The following MB21D2 variants were observed in gnomAD, a reference collection of about 807,000 sequenced individuals.
MB21D2 encodes the protein Mab-21 domain containing 2.
Under a neutral mutation model 33.3 loss-of-function variants are expected in MB21D2, and 9 were observed. The ratio of observed to expected loss-of-function variants is 0.27; its 90% CI spans 0.16 to 0.47. The LOEUF (loss-of-function observed/expected upper bound fraction) is 0.47. Among genes scored for constraint, MB21D2 ranks in the 20% least tolerant of loss-of-function variants. MB21D2 has a pLI of 0.99. For synonymous variants in MB21D2, 241 were observed against 236.3 expected (o/e 1.02, Z -0.18); for missense variants, 540 against 624.6 (o/e 0.86, Z 1.44).
chr3:192,816,077 C>T (rs1290534441), intron 1 of MB21D2, among the ~76,000 whole-genome samples: 1 of 152,116 alleles, frequency 6.6e-6, no homozygotes, highest in East Asian at 1.9e-4. Context: ...TGTACAATTT[C>T]CAAAGCTATC....
intron 1 of MB21D2, among the ~76,000 whole-genome samples, chr3:192,814,738 G>A (rs183968594): frequency 2.2e-3 from 335 of 152,108 alleles, no homozygotes; most frequent in Admixed American, 3.9e-3. Context: ...GGTGGTGGAC[G>A]CCTTTAGTCC....
In MB21D2 at chr3:192,814,689, T is replaced by C. The variant is rs376692362; in HGVS notation, c.212-15039A>G. Among the ~76,000 whole-genome samples the C allele has an allele frequency of 5.2e-3, 783 of 149,992 alleles. 5 individuals carry two copies. The highest frequency in any genetic ancestry group is 0.029 in the East Asian group (148 of 5,152). Reference sequence around the variant, plus strand: ...CATCCTGGCTAACACGGTGAAACCCTGTCTCTACTAAAAAAAATACAAAAA... The same window carrying C: ...CATCCTGGCTAACACGGTGAAACCCCGTCTCTACTAAAAAAAATACAAAAA... On this transcript the variant is annotated intron_variant, in intron 1 of 1. Transcript: ENST00000392452.
At chr3:192,807,229 T>C (rs1415924283) in intron 1 of MB21D2, among the ~76,000 whole-genome samples, 1 of 152,046 alleles carries the variant, frequency 6.6e-6, no homozygotes, top group Non-Finnish European at 1.5e-5. Context: ...GAGAGTCTTA[T>C]TAGCCCTACC....
intron 1 of MB21D2, 31 bp downstream of exon 1, chr3:192,917,597 ACG>A (rs1560261358): frequency 6.2e-7 from 1 of 1,603,834 alleles, no homozygotes; most frequent in African/African-American, 1.4e-5. Flanking sequence ...ACACACACAC[ACG>A]CACACACACC....
At position 192,916,098 on chromosome 3, in the gene MB21D2, TTA is replaced by T. The variant is rs55749042; in HGVS notation, c.211+1530_211+1531del. Among the ~76,000 whole-genome samples, 204 of 139,132 alleles carry T rather than the reference TTA, an allele frequency of 1.5e-3. 1 individual carries two copies. The highest frequency in any genetic ancestry group is 3.5e-3 in the African/African-American group (125 of 35,314). The allele number at this position is 139,132 out of a possible 152,430, so 91.3% of individuals were successfully genotyped here. ...TGTGGAAGCTCACTCCTACCAGGTTTTATATATATATATATATATATATTTAA... is the reference window on the plus strand; with the variant it reads ...TGTGGAAGCTCACTCCTACCAGGTTTTATATATATATATATATATATTTAA... On this transcript the variant is annotated intron_variant, in intron 1 of 1. Coordinates refer to ENST00000392452, the MANE Select transcript of MB21D2 (RefSeq NM_178496.4).
At chr3:192,819,273 C>A (rs1423042650) in intron 1 of MB21D2, among the ~76,000 whole-genome samples, 2 of 152,156 alleles carry the variant, frequency 1.3e-5, no homozygotes, top group Non-Finnish European at 2.9e-5. Context: ...CCTCAATTGA[C>A]AAGAAAAGAA....
At chr3:192,807,584 G>A (rs951989237) in intron 1 of MB21D2, among the ~76,000 whole-genome samples, 7 of 152,012 alleles carry the variant, frequency 4.6e-5, no homozygotes, top group Non-Finnish European at 7.4e-5. Flanking sequence ...TAATTACTCC[G>A]AAACTGGAAA....
chr3:192,823,106 C>T (rs1712095471), intron 1 of MB21D2, among the ~76,000 whole-genome samples: 1 of 152,154 alleles, frequency 6.6e-6, no homozygotes, highest in Non-Finnish European at 1.5e-5. Context: ...GTTAAATCTA[C>T]CTTTTAAATA....
At chr3:192,806,383 A>AAGT (rs1319800804) in intron 1 of MB21D2, among the ~76,000 whole-genome samples, 1 of 152,202 alleles carries the variant, frequency 6.6e-6, no homozygotes, top group Non-Finnish European at 1.5e-5. Flanking sequence ...TCCTCTGTAT[A>AAGT]AGTGGGTTTC....
chr3:192,849,357 G>GCA (rs1712743114), intron 1 of MB21D2, among the ~76,000 whole-genome samples: 1 of 147,212 alleles, frequency 6.8e-6, no homozygotes, highest in Non-Finnish European at 1.5e-5. Context: ...TCGCTCTGTT[G>GCA]CCCAGGCTGG....
At chr3:192,912,741 T>C (rs913554391) in intron 1 of MB21D2, among the ~76,000 whole-genome samples, 2 of 152,104 alleles carry the variant, frequency 1.3e-5, no homozygotes, top group African/African-American at 2.4e-5. Flanking sequence ...CTACTGAGTA[T>C]AGTATGTCTC....
intron 1 of MB21D2, among the ~76,000 whole-genome samples, chr3:192,883,402 G>A (rs1350546135): frequency 6.6e-6 from 1 of 152,030 alleles, no homozygotes; most frequent in African/African-American, 2.4e-5. Context: ...CTAGTTTGTA[G>A]CATAGCATGA....
intron 1 of MB21D2, among the ~76,000 whole-genome samples, chr3:192,802,940 G>A (rs1050668088): frequency 1.3e-5 from 2 of 152,168 alleles, no homozygotes; most frequent in Admixed American, 6.5e-5. Context: ...CCTCTTAGGC[G>A]TAACTAACTC....
At chr3:192,827,070 A>AT (rs888668143) in intron 1 of MB21D2, among the ~76,000 whole-genome samples, 3 of 151,532 alleles carry the variant, frequency 2.0e-5, no homozygotes, top group Non-Finnish European at 2.9e-5. Context: ...AATTTTTTGT[A>AT]TTTTTTTAGT....
At chr3:192,833,601 A>G (rs1188664702) in intron 1 of MB21D2, among the ~76,000 whole-genome samples, 5 of 152,194 alleles carry the variant, frequency 3.3e-5, no homozygotes, top group African/African-American at 1.2e-4. Flanking sequence ...ACGAAGTCAG[A>G]GCACAAAAAT....
At chr3:192,916,554 G>T (rs1311012838) in intron 1 of MB21D2, among the ~76,000 whole-genome samples, 2 of 152,222 alleles carry the variant, frequency 1.3e-5, no homozygotes, top group Admixed American at 1.3e-4. Flanking sequence ...TGGAGTACCA[G>T]TTCTTCGGAA....
chr3:192,907,291 G>A (rs998074812), intron 1 of MB21D2, among the ~76,000 whole-genome samples: 1 of 152,004 alleles, frequency 6.6e-6, no homozygotes, highest in African/African-American at 2.4e-5. Flanking sequence ...TATAGGGCTT[G>A]TATTTACTCA....
chr3:192,910,133 G>T (rs1410028958), intron 1 of MB21D2, among the ~76,000 whole-genome samples: 1 of 151,130 alleles, frequency 6.6e-6, no homozygotes, highest in Admixed American at 6.6e-5. Flanking sequence ...AATCCTCGGA[G>T]GTCACCAATG....
At chr3:192,830,619 A>C (rs1712295155) in intron 1 of MB21D2, among the ~76,000 whole-genome samples, 4 of 152,326 alleles carry the variant, frequency 2.6e-5, no homozygotes, top group African/African-American at 7.2e-5. Flanking sequence ...GAAAAGGAGG[A>C]GGCAAGTACA....
Sources: allele counts gnomAD v4.1 joint callset (sites outside exome capture counted in the v4.1 genomes callset), GRCh38; gene constraint gnomAD v4.1.1; transcripts MANE v1.5; gene names NCBI Gene and HGNC (gene_info 2026-07-23, HGNC 2026-07-21).